The following SULF2 variants were observed in gnomAD, a reference collection of about 807,000 sequenced individuals.
SULF2 encodes extracellular sulfatase Sulf-2.
Under a neutral mutation model 107.7 loss-of-function variants are expected in SULF2, and 52 were observed. The ratio of observed to expected loss-of-function variants is 0.48; its 90% confidence interval spans 0.39 to 0.61. The LOEUF (loss-of-function observed/expected upper bound fraction) is 0.61. Among genes scored for constraint, SULF2 ranks in the 20% least tolerant of loss-of-function variants. SULF2 has a pLI of 0.00. For synonymous variants in SULF2, 460 were observed against 464.3 expected, an observed-to-expected ratio of 0.99 and a Z score of 0.12; for missense variants, 993 against 1,177.3, an observed-to-expected ratio of 0.84 and a Z score of 2.29.
chr20:47,698,330 T>G (rs926975924), intron 4 of SULF2, among the ~76,000 whole-genome samples: 1 of 152,124 alleles, frequency 6.6e-6, no homozygotes, highest in African/African-American at 2.4e-5. Flanking sequence ...GCATGTGACT[T>G]ATAGTCCAGG....
At chr20:47,725,333 C>T (rs1270685653) in intron 3 of SULF2, among the ~76,000 whole-genome samples, 1 of 152,206 alleles carries the variant, frequency 6.6e-6, no homozygotes, top group Non-Finnish European at 1.5e-5. Context: ...AGGTTCAAGA[C>T]TCAGATGACA....
At chr20:47,739,204 G>T (rs1336876653) in intron 2 of SULF2, among the ~76,000 whole-genome samples, 1 of 152,172 alleles carries the variant, frequency 6.6e-6, no homozygotes, top group Non-Finnish European at 1.5e-5. Context: ...TTTGTGATCT[G>T]TTAGGACAGC....
At chr20:47,747,718 TC>T (rs1027670549) in intron 2 of SULF2, among the ~76,000 whole-genome samples, 1 of 151,304 alleles carries the variant, frequency 6.6e-6, no homozygotes, top group African/African-American at 2.4e-5. Flanking sequence ...CAACCTAATG[TC>T]CCCCCCTTCC....
chr20:47,731,483 G>A (rs990975332), intron 3 of SULF2, among the ~76,000 whole-genome samples: 2 of 152,026 alleles, frequency 1.3e-5, no homozygotes, highest in Non-Finnish European at 2.9e-5. Context: ...TTCAGTCACC[G>A]TGCCTGGCCT....
chr20:47,660,187 A>T (rs1012379108), intron 18 of SULF2, among the ~76,000 whole-genome samples: 3 of 152,208 alleles, frequency 2.0e-5, no homozygotes, highest in Non-Finnish European at 2.9e-5. Flanking sequence ...TCCTCCATAA[A>T]ATGAGGATAA....
chr20:47,779,143 G>A (rs1048164355), intron 1 of SULF2, among the ~76,000 whole-genome samples: 5 of 152,100 alleles, frequency 3.3e-5, no homozygotes, highest in Non-Finnish European at 5.9e-5. Context: ...TTGACTCCTT[G>A]GCAGGATACA....
At chr20:47,705,036 C>G (rs1362249622) in intron 3 of SULF2, among the ~76,000 whole-genome samples, 1 of 152,196 alleles carries the variant, frequency 6.6e-6, no homozygotes, top group Non-Finnish European at 1.5e-5. Context: ...CTGACACTTT[C>G]CAGGAGTGGG....
chr20:47,674,712 C>T (rs2087584229), intron 10 of SULF2, among the ~76,000 whole-genome samples: 2 of 152,282 alleles, frequency 1.3e-5, no homozygotes, highest in Non-Finnish European at 1.5e-5. Flanking sequence ...GTAGCACGGA[C>T]AAGGTACCCA....
chr20:47,762,393 T>A (rs2090435544), intron 1 of SULF2, among the ~76,000 whole-genome samples: 1 of 152,256 alleles, frequency 6.6e-6, no homozygotes, highest in South Asian at 2.1e-4. Flanking sequence ...CTCCAGTCTC[T>A]GCTCTGAGCT....
Position 47,756,721 on chromosome 20 carries a change from C to T in SULF2, c.175+468G>A, listed in dbSNP as rs534558848. ...AGTGTAGTGGCATGACCTCCACTCACTGCAACCTCCTTCTCCTGGATTCAA... is the reference window on the plus strand; with the variant it reads ...AGTGTAGTGGCATGACCTCCACTCATTGCAACCTCCTTCTCCTGGATTCAA... On this transcript the variant is annotated intron_variant, in intron 2 of 20. Coordinates refer to ENST00000688720, the MANE Select transcript of SULF2 (RefSeq NM_001387048.1). 2.0e-5 allele frequency among the ~76,000 whole-genome samples: 3 copies of T among 151,642 alleles called. No homozygotes were observed. In the South Asian group the frequency reaches 6.2e-4, roughly 32 times the overall value.
chr20:47,697,137 C>G (rs960187520), intron 4 of SULF2, among the ~76,000 whole-genome samples: 11 of 152,198 alleles, frequency 7.2e-5, no homozygotes, highest in African/African-American at 2.7e-4. Context: ...ACCTGGAAGC[C>G]TCTTTTCGGG....
intron 4 of SULF2, among the ~76,000 whole-genome samples, chr20:47,701,098 G>A (rs998382324): frequency 2.0e-5 from 3 of 152,226 alleles, no homozygotes; most frequent in Admixed American, 6.5e-5. Context: ...CAACCAAAAT[G>A]TCCATGAGTT....
intron 6 of SULF2, among the ~76,000 whole-genome samples, 155 bp from the exon 7 acceptor site, chr20:47,683,324 A>G (rs893821567): frequency 6.6e-6 from 1 of 151,746 alleles, no homozygotes; most frequent in African/African-American, 2.4e-5. Flanking sequence ...TTGTCACTGC[A>G]CCTTCCTGCC....
At chr20:47,665,048 A>G in intron 14 of SULF2, 151 bp downstream of exon 14, 3 of 683,174 alleles carry the variant, frequency 4.4e-6, no homozygotes. Context: ...GGCTGACAAC[A>G]GGGAGGTAAA....
chr20:47,750,747 A>ACTC (rs2090141508), intron 2 of SULF2, among the ~76,000 whole-genome samples: 1 of 151,914 alleles, frequency 6.6e-6, no homozygotes, highest in African/African-American at 2.4e-5. Flanking sequence ...CCTCCCTATT[A>ACTC]CCGTTCATTC....
rs2088153361 is a variant in SULF2, at chr20:47,690,281, G to A, written c.582C>T (p.Asp194=). The A allele has an allele frequency of 1.3e-6, 2 of 1,511,920 alleles. No individual in the cohort carries two copies. The highest frequency in any genetic ancestry group is 8.9e-7 in the Non-Finnish European group (1 of 1,123,534). The allele number at this position is 1,511,920 out of a possible 1,614,324, so 93.7% of individuals were successfully genotyped here. Residue 194 remains aspartate, a synonymous_variant, in exon 5 of 21, where the codon GAC becomes GAT. Coordinates refer to ENST00000688720, the MANE Select transcript of SULF2 (RefSeq NM_001387048.1). Reference sequence around the variant, plus strand: ...AGCTCACGCTGTCATTGGTGATGAGGTCTGTGAGGTAATCCTGGGGGGTGG... The same window carrying A: ...AGCTCACGCTGTCATTGGTGATGAGATCTGTGAGGTAATCCTGGGGGGTGG... ...GSDYSKDYLT[D]LITNDSVSFF...
chr20:47,770,909 T>C (rs1477139629), intron 1 of SULF2, among the ~76,000 whole-genome samples: 4 of 152,190 alleles, frequency 2.6e-5, no homozygotes, highest in Non-Finnish European at 4.4e-5. Context: ...TCATCTTTTC[T>C]GCTGTCCCAT....
intron 3 of SULF2, among the ~76,000 whole-genome samples, chr20:47,734,133 G>A (rs2089677061): frequency 6.6e-6 from 1 of 152,134 alleles, no homozygotes; most frequent in African/African-American, 2.4e-5. Flanking sequence ...CATATGACTT[G>A]TTTCTCACCA....
intron 2 of SULF2, among the ~76,000 whole-genome samples, chr20:47,753,092 C>A (rs2090195382): frequency 2.8e-5 from 2 of 70,962 alleles, no homozygotes. Flanking sequence ...CAGAGTGAGA[C>A]TCTCTCAAAA....
Sources: allele counts gnomAD v4.1 joint callset (sites outside exome capture counted in the v4.1 genomes callset), GRCh38; gene constraint gnomAD v4.1.1; transcripts MANE v1.5; gene names NCBI Gene and HGNC (gene_info 2026-07-23, HGNC 2026-07-21).